Variants in EEA1 observed in about 807,000 individuals in gnomAD.
The protein encoded by EEA1 is early endosome antigen 1, 162kD.
In EEA1, 111 loss-of-function variants were observed where a neutral mutation model predicts 209.2. The ratio of observed to expected loss-of-function variants is 0.53; its 90% CI spans 0.45 to 0.62. EEA1 has a LOEUF of 0.62. Ranked by LOEUF, EEA1 falls within the 20% of genes least tolerant of loss-of-function variation. EEA1 has a pLI of 0.00. For synonymous variants in EEA1, 536 were observed against 540.6 expected, an observed-to-expected ratio of 0.99 and a Z score of 0.12; for missense variants, 1,343 against 1,530.8, an observed-to-expected ratio of 0.88 and a Z score of 2.05.
chr12:92,803,616 A>C (rs1026094326), intron 18 of EEA1, among the ~76,000 whole-genome samples: 1 of 152,116 alleles, frequency 6.6e-6, no homozygotes, highest in Non-Finnish European at 1.5e-5. Context: ...GTACTAATAA[A>C]GTATTTGAAA....
At chr12:92,820,339 T>C (rs2136682104) in intron 13 of EEA1, among the ~76,000 whole-genome samples, 1 of 152,304 alleles carries the variant, frequency 6.6e-6, no homozygotes, top group South Asian at 2.1e-4. Context: ...CCAGCAACCA[T>C]GTGGTACTCT....
chr12:92,819,250 G>C, intron 14 of EEA1, 58 bp downstream of exon 14: 2 of 1,370,128 alleles, frequency 1.5e-6, no homozygotes, highest in South Asian at 3.0e-5. Context: ...AAAGCACTTA[G>C]TAAGACTTAG....
intron 1 of EEA1, among the ~76,000 whole-genome samples, chr12:92,909,232 G>C (rs1203887631): frequency 6.6e-6 from 1 of 152,192 alleles, no homozygotes; most frequent in Non-Finnish European, 1.5e-5. Context: ...AAAGGAACCA[G>C]AATTTTCTAG....
intron 3 of EEA1, chr12:92,858,112 G>T (rs561381885): frequency 3.7e-5 from 20 of 536,448 alleles, no homozygotes. Flanking sequence ...TCCACTAGGT[G>T]TTCATTGAGA....
chr12:92,778,824 A>C (rs1873774019), intron 25 of EEA1, among the ~76,000 whole-genome samples: 1 of 152,146 alleles, frequency 6.6e-6, no homozygotes, highest in Non-Finnish European at 1.5e-5. Context: ...CACACCATTT[A>C]CCAGATCTAC....
At chr12:92,809,310 G>A (rs985238976) in intron 17 of EEA1, among the ~76,000 whole-genome samples, 154 bp from the exon 18 acceptor site, 4 of 151,518 alleles carry the variant, frequency 2.6e-5, no homozygotes, top group African/African-American at 9.7e-5. Context: ...CATTACTAAG[G>A]GTGTTATTTA....
chr12:92,817,812 AG>A (rs1875865386), intron 14 of EEA1, among the ~76,000 whole-genome samples: 1 of 152,128 alleles, frequency 6.6e-6, no homozygotes, highest in Non-Finnish European at 1.5e-5. Flanking sequence ...GATCCTTTTA[AG>A]GTCTTTTTTA....
chr12:92,879,585 A>G (rs1176163776), intron 2 of EEA1, among the ~76,000 whole-genome samples: 2 of 152,060 alleles, frequency 1.3e-5, no homozygotes, highest in African/African-American at 2.4e-5. Context: ...GGGAAGGGGA[A>G]AAGCTCTCAG....
chr12:92,808,792 C>T (rs867640130), intron 18 of EEA1, among the ~76,000 whole-genome samples: 2 of 151,960 alleles, frequency 1.3e-5, no homozygotes, highest in African/African-American at 2.4e-5. Flanking sequence ...ACTGGATGAC[C>T]CAAATTTTAT....
chr12:92,866,527 T>C (rs1157697405), intron 2 of EEA1, among the ~76,000 whole-genome samples: 2 of 150,536 alleles, frequency 1.3e-5, no homozygotes, highest in Admixed American at 6.6e-5. Flanking sequence ...TCATCCTCTC[T>C]TGATTCTATA....
chr12:92,900,411 T>C (rs1880097946), intron 1 of EEA1, among the ~76,000 whole-genome samples: 1 of 150,952 alleles, frequency 6.6e-6, no homozygotes, highest in African/African-American at 2.4e-5. Context: ...TCTAAATTTA[T>C]CCAGAGTATG....
chr12:92,904,409 A>G (rs1042629578), intron 1 of EEA1, among the ~76,000 whole-genome samples: 2 of 152,206 alleles, frequency 1.3e-5, no homozygotes, highest in African/African-American at 4.8e-5. Context: ...CTATTTCTCT[A>G]TTCACTATAC....
At chr12:92,888,595 C>CAAAAAAAAAAAA (rs905395194) in intron 2 of EEA1, among the ~76,000 whole-genome samples, 1 of 125,278 alleles carries the variant, frequency 8.0e-6, no homozygotes. Flanking sequence ...AACAAACAAA[C>CAAAAAAAAAAAA]AAAAAAAAAA....
rs548725254 is a variant in EEA1, at chr12:92,828,033, C to T, written c.1283G>A (p.Arg428His). The T allele has an allele frequency of 2.5e-5, 39 of 1,578,368 alleles. No homozygotes were observed. The highest frequency in any genetic ancestry group is 1.8e-4 in the African/African-American group (13 of 72,750). The change falls in exon 12 of 29, where the codon CGC (arginine) becomes CAC (histidine). Residue 428 changes from arginine (R) to histidine (H), a missense_variant. By Grantham distance (29) the Arg-to-His change is conservative. Coordinates refer to ENST00000322349, the MANE Select transcript of EEA1 (RefSeq NM_003566.4). Reference protein sequence around the residue: ...QLHSKLLETERQLGEAHGRLK... With the variant: ...QLHSKLLETEHQLGEAHGRLK... ...CCTACCATGAGCTTCCCCTAGTTGG[C>T]GCTCTGTCTCCAGAAGTTTGCTATG...
At chr12:92,824,498 C>G (rs1357790001) in intron 13 of EEA1, among the ~76,000 whole-genome samples, 1 of 152,216 alleles carries the variant, frequency 6.6e-6, no homozygotes, top group East Asian at 1.9e-4. Context: ...AGGTTCTGAT[C>G]TCCTGTGAGC....
chr12:92,803,922 A>T (rs1875059243), intron 18 of EEA1, among the ~76,000 whole-genome samples: 1 of 152,186 alleles, frequency 6.6e-6, no homozygotes, highest in African/African-American at 2.4e-5. Flanking sequence ...AAATCATAAG[A>T]CTATGTGAAT....
At chr12:92,869,876 G>T (rs1211171241) in intron 2 of EEA1, among the ~76,000 whole-genome samples, 1 of 150,460 alleles carries the variant, frequency 6.6e-6, no homozygotes, top group Non-Finnish European at 1.5e-5. Context: ...GACCCACAAG[G>T]TCCAGAAGGA....
At chr12:92,811,619 T>C (rs1875516188) in intron 16 of EEA1, among the ~76,000 whole-genome samples, 185 bp from the exon 17 acceptor site, 1 of 152,164 alleles carries the variant, frequency 6.6e-6, no homozygotes, top group Non-Finnish European at 1.5e-5. Flanking sequence ...TGAACTAAAT[T>C]CTTGCATAGT....
intron 1 of EEA1, among the ~76,000 whole-genome samples, chr12:92,922,621 A>T (rs918350795): frequency 1.3e-5 from 2 of 152,220 alleles, no homozygotes; most frequent in Non-Finnish European, 2.9e-5. Context: ...GGCATCAAGC[A>T]CCACGTTAGA....
Sources: allele counts gnomAD v4.1 joint callset (sites outside exome capture counted in the v4.1 genomes callset), GRCh38; gene constraint gnomAD v4.1.1; transcripts MANE v1.5; gene names NCBI Gene and HGNC (gene_info 2026-07-23, HGNC 2026-07-21).